CPHXL2: variants seen among roughly 807,000 people sequenced by gnomAD.
CPHXL2 encodes the protein cytoplasmic polyadenylated homeobox like 2.
chr16:75,665,531 T>C, the CPHXL2 span, among the ~76,000 whole-genome samples: 2 of 152,194 alleles, frequency 1.3e-5, no homozygotes, highest in African/African-American at 2.4e-5. Context: ...ACATAGCCTT[T>C]TAAAGCATAA....
At chr16:75,665,503 TC>T in the CPHXL2 span, among the ~76,000 whole-genome samples, 2 of 152,164 alleles carry the variant, frequency 1.3e-5, no homozygotes, top group African/African-American at 4.8e-5. Flanking sequence ...TTGAAATAAA[TC>T]CTGGAAATGC....
chr16:75,675,388 T>C, the CPHXL2 span, among the ~76,000 whole-genome samples: 3 of 151,960 alleles, frequency 2.0e-5, no homozygotes, highest in African/African-American at 7.3e-5. Flanking sequence ...TGGTATTGCA[T>C]TGAGAGTTTA....
the CPHXL2 span, among the ~76,000 whole-genome samples, chr16:75,666,608 CAAAAAA>C: frequency 4.6e-5 from 3 of 65,118 alleles, no homozygotes; most frequent in African/African-American, 1.6e-4. Flanking sequence ...AACTCTATCT[CAAAAAA>C]AAAAAAAAAA....
At chr16:75,665,724 A>C in the CPHXL2 span, among the ~76,000 whole-genome samples, 385 of 152,236 alleles carry the variant, frequency 2.5e-3, 1 homozygote, top group African/African-American at 9.0e-3. Flanking sequence ...TTATCTGGAC[A>C]TGGTGGCAGG....
At chr16:75,665,657 G>A in the CPHXL2 span, among the ~76,000 whole-genome samples, 2 of 152,222 alleles carry the variant, frequency 1.3e-5, no homozygotes, top group Non-Finnish European at 2.9e-5. Flanking sequence ...GAGGTCAAGA[G>A]TTTGAGACTA....
the CPHXL2 span, among the ~76,000 whole-genome samples, chr16:75,674,673 T>C: frequency 2.0e-5 from 3 of 152,056 alleles, no homozygotes; most frequent in South Asian, 2.1e-4. Context: ...GGATACATAC[T>C]TCCTGATTTT....
chr16:75,676,897 G>A, the CPHXL2 span: 100 of 398,266 alleles, frequency 2.5e-4, no homozygotes, highest in Non-Finnish European at 4.2e-4. Context: ...CTATTATAAG[G>A]TAAAAGTTGA....
At chr16:75,671,105 G>A in the CPHXL2 span, among the ~76,000 whole-genome samples, 1 of 152,164 alleles carries the variant, frequency 6.6e-6, no homozygotes, top group African/African-American at 2.4e-5. Context: ...AAAACAGGCT[G>A]TGTGCGCCGG....
At chr16:75,675,847 G>A in the CPHXL2 span, among the ~76,000 whole-genome samples, 1 of 152,178 alleles carries the variant, frequency 6.6e-6, no homozygotes, top group Non-Finnish European at 1.5e-5. Flanking sequence ...GGGAGACCGA[G>A]GTGGGTGGAT....
chr16:75,672,041 G>T, the CPHXL2 span, among the ~76,000 whole-genome samples: 2 of 151,632 alleles, frequency 1.3e-5, no homozygotes, highest in African/African-American at 4.9e-5. Flanking sequence ...GGAGCCTGAG[G>T]TGGGCGGATG....
the CPHXL2 span, among the ~76,000 whole-genome samples, chr16:75,668,389 C>T: frequency 2.0e-5 from 3 of 151,992 alleles, no homozygotes; most frequent in Non-Finnish European, 4.4e-5. Context: ...CCACCACTCC[C>T]GGCTAATTTT....
At chr16:75,676,607 C>T in the CPHXL2 span, among the ~76,000 whole-genome samples, 1 of 152,328 alleles carries the variant, frequency 6.6e-6, no homozygotes, top group Admixed American at 6.5e-5. Context: ...CAGGCATGAG[C>T]CACTGCTTCC....
chr16:75,663,146 C>A, the CPHXL2 span, among the ~76,000 whole-genome samples: 1 of 152,286 alleles, frequency 6.6e-6, no homozygotes, highest in East Asian at 1.9e-4. Context: ...AAGTTACTTG[C>A]ATAATCTAAC....
the CPHXL2 span, among the ~76,000 whole-genome samples, chr16:75,667,918 A>G: frequency 6.6e-6 from 1 of 152,218 alleles, no homozygotes; most frequent in Admixed American, 6.5e-5. Context: ...GTAACCTTTG[A>G]GTCCACCTTA....
At chr16:75,676,233 C>G in the CPHXL2 span, among the ~76,000 whole-genome samples, 2 of 152,146 alleles carry the variant, frequency 1.3e-5, no homozygotes, top group Non-Finnish European at 2.9e-5. Flanking sequence ...TTCTTCCATA[C>G]TTTACATATG....
chr16:75,671,361 C>CAAA, the CPHXL2 span, among the ~76,000 whole-genome samples: 37,882 of 125,822 alleles, frequency 0.3, 5,658 homozygotes, highest in Middle Eastern at 0.36. Context: ...GACTCTGTAT[C>CAAA]AAAAAAAAAA....
the CPHXL2 span, among the ~76,000 whole-genome samples, chr16:75,673,305 C>G: frequency 2.0e-5 from 3 of 151,692 alleles, no homozygotes; most frequent in Admixed American, 6.6e-5. Flanking sequence ...CATGGAGGCA[C>G]ATGCCTGTGG....
the CPHXL2 span, among the ~76,000 whole-genome samples, chr16:75,661,484 A>G: frequency 5.2e-3 from 785 of 152,166 alleles, 4 homozygotes; most frequent in Non-Finnish European, 8.0e-3. Context: ...CACTGGAGAC[A>G]GTGACACCAT....
the CPHXL2 span, among the ~76,000 whole-genome samples, chr16:75,668,213 C>CTA: frequency 6.6e-4 from 98 of 148,286 alleles, no homozygotes; most frequent in Admixed American, 3.0e-3. Flanking sequence ...CTCTCTCTCT[C>CTA]TATATATATA....
Sources: allele counts gnomAD v4.1 joint callset (sites outside exome capture counted in the v4.1 genomes callset), GRCh38; gene constraint gnomAD v4.1.1; transcripts MANE v1.5; gene names NCBI Gene and HGNC (gene_info 2026-07-23, HGNC 2026-07-21).